Variants in FGF12 observed in about 807,000 individuals in gnomAD.
FGF12 encodes fibroblast growth factor 12.
Under a neutral mutation model 23.6 loss-of-function variants are expected in FGF12, and 14 were observed. The observed-to-expected ratio is 0.59, with a 90% CI of 0.39 to 0.93. FGF12 has a LOEUF of 0.93. FGF12 is among the 40% of genes least tolerant of loss of function. The probability of loss-of-function intolerance (pLI) is 0.00; values close to 1 mark genes in which losing one functional copy is unlikely to be tolerated. For missense variants in FGF12, 175 were observed against 217.8 expected (o/e 0.80, Z 1.24); for synonymous variants, 62 against 77.3 (o/e 0.80, Z 1.04).
At chr3:192,422,792 G>A (rs1202198896) in intron 2 of FGF12, among the ~76,000 whole-genome samples, 1 of 152,188 alleles carries the variant, frequency 6.6e-6, no homozygotes, top group East Asian at 1.9e-4. Flanking sequence ...GCAAGTTTGG[G>A]TTCAGCCTCT....
chr3:192,350,009 T>G (rs1439536317), intron 3 of FGF12, among the ~76,000 whole-genome samples: 1 of 152,140 alleles, frequency 6.6e-6, no homozygotes, highest in Non-Finnish European at 1.5e-5. Context: ...AATTAAATCT[T>G]TTGGTTTCAA....
chr3:192,337,992 T>C (rs1272083952), intron 3 of FGF12, among the ~76,000 whole-genome samples: 2 of 152,220 alleles, frequency 1.3e-5, no homozygotes, highest in South Asian at 4.1e-4. Context: ...CTATGAAGAA[T>C]TTAGGACAGA....
At chr3:192,211,796 T>C (rs543138015) in intron 4 of FGF12, among the ~76,000 whole-genome samples, 1 of 152,184 alleles carries the variant, frequency 6.6e-6, no homozygotes, top group Non-Finnish European at 1.5e-5. Context: ...AAGAAGGTAT[T>C]AGATCTGCTG....
chr3:192,621,243 G>A (rs1168196035), intron 2 of FGF12, among the ~76,000 whole-genome samples: 2 of 152,006 alleles, frequency 1.3e-5, no homozygotes, highest in African/African-American at 4.8e-5. Context: ...ATAGAGAAAT[G>A]TACTTCCTCA....
intron 2 of FGF12, among the ~76,000 whole-genome samples, chr3:192,564,297 C>G (rs547676513): frequency 4.6e-5 from 7 of 152,122 alleles, no homozygotes; most frequent in African/African-American, 1.7e-4. Flanking sequence ...CTCCTGACCT[C>G]GGGTGATCTG....
chr3:192,652,695 C>G (rs1716258496), intron 2 of FGF12, among the ~76,000 whole-genome samples: 1 of 152,168 alleles, frequency 6.6e-6, no homozygotes, highest in Non-Finnish European at 1.5e-5. Context: ...GCCCAGAAGT[C>G]TGTGTTTTAG....
At chr3:192,311,138 C>G (rs537712545) in intron 4 of FGF12, among the ~76,000 whole-genome samples, 108 of 152,202 alleles carry the variant, frequency 7.1e-4, no homozygotes, top group African/African-American at 2.5e-3. Context: ...AATAACAGAA[C>G]TATTAAGACA....
chr3:192,378,822 A>G (rs748110249), intron 2 of FGF12, among the ~76,000 whole-genome samples: 19 of 152,092 alleles, frequency 1.2e-4, no homozygotes, highest in Non-Finnish European at 2.4e-4. Flanking sequence ...AAACTCATGG[A>G]TTGGGGGGCT....
chr3:192,464,502 GT>G lies in FGF12; in HGVS notation c.14-103965del, dbSNP rs1722953325. 1.2e-3 allele frequency among the ~76,000 whole-genome samples: 14 copies of G among 11,724 alleles called. No individual in the cohort carries two copies. The South Asian group carries it at 0.02, about 16-fold the overall frequency. The allele number at this position is 11,724 out of a possible 152,430, so 7.7% of individuals were successfully genotyped here. A position where few individuals can be genotyped will look rare whatever the true frequency, so the allele number is the denominator to read the frequency against. On this transcript the variant is annotated intron_variant, in intron 2 of 5. Coordinates refer to ENST00000445105, the MANE Select transcript of FGF12 (RefSeq NM_004113.6). ...TTAGGGCTGAGTAGTATTCCATGGT[GT>G]GTGTGTGTGTGTGTGTGTGTGTGTG...
chr3:192,408,608 C>T lies in FGF12; in HGVS notation c.14-48070G>A. 9.5e-7 allele frequency: 1 copy of T among 1,049,944 alleles called. No individual in the cohort carries two copies. The highest frequency in any genetic ancestry group is 1.1e-6 in the Non-Finnish European group (1 of 871,358). The allele number at this position is 1,049,944 out of a possible 1,614,324, so 65.0% of individuals were successfully genotyped here. ...ACCAAGTGGAAGGGGAAGAACGATG[C>T]CCAAAATAACAAGACGTGCCTCTGT... On this transcript the variant is annotated intron_variant, in intron 2 of 5. Coordinates refer to ENST00000445105, the MANE Select transcript of FGF12 (RefSeq NM_004113.6). The surrounding 1 kb of genome is among the most constrained non-coding windows in gnomAD (Gnocchi z 7.3).
At chr3:192,160,668 T>C (rs957070709) in intron 5 of FGF12, among the ~76,000 whole-genome samples, 2 of 152,198 alleles carry the variant, frequency 1.3e-5, no homozygotes, top group Non-Finnish European at 2.9e-5. Flanking sequence ...AAATTGTCTT[T>C]CCTTGAGTAC....
At chr3:192,224,223 G>A (rs949317275) in intron 4 of FGF12, among the ~76,000 whole-genome samples, 7 of 152,078 alleles carry the variant, frequency 4.6e-5, no homozygotes, top group Non-Finnish European at 7.4e-5. Context: ...GCTGGAGAAC[G>A]CTTTCTGTAT....
intron 4 of FGF12, among the ~76,000 whole-genome samples, chr3:192,217,300 TTTG>T (rs1261008502): frequency 6.6e-6 from 1 of 152,218 alleles, no homozygotes; most frequent in South Asian, 2.1e-4. Flanking sequence ...TGCTGTTGTT[TTTG>T]TTGTTGTTAC....
At chr3:192,572,275 A>C (rs1399932969) in intron 2 of FGF12, among the ~76,000 whole-genome samples, 1 of 152,218 alleles carries the variant, frequency 6.6e-6, no homozygotes, top group Non-Finnish European at 1.5e-5. Context: ...ATGATTATTT[A>C]GCATTTAATG....
chr3:192,500,431 C>A (rs1724100002), intron 2 of FGF12, among the ~76,000 whole-genome samples: 1 of 150,172 alleles, frequency 6.7e-6, no homozygotes, highest in African/African-American at 2.4e-5. Flanking sequence ...TATAATAAAT[C>A]CAACATCCCC....
chr3:192,379,595 A>G (rs1207155929), intron 2 of FGF12, among the ~76,000 whole-genome samples: 1 of 152,238 alleles, frequency 6.6e-6, no homozygotes, highest in Admixed American at 6.5e-5. Flanking sequence ...ATTTCCCAGA[A>G]TGACATCGAA....
intron 2 of FGF12, among the ~76,000 whole-genome samples, chr3:192,715,887 A>C (rs1296003061): frequency 6.6e-6 from 1 of 152,230 alleles, no homozygotes; most frequent in Non-Finnish European, 1.5e-5. Context: ...TCCTTGTATT[A>C]ATTAATTAAC....
rs1713312480 is a variant in FGF12, at chr3:192,140,536, A to G, written c.*3473T>C. The stretch of plus-strand genomic sequence containing the variant: ...AGTGCTCCCAAATTAGGAATTCCAA[A>G]CTTTTCAATATGCAACCTTTAAGTC... On this transcript the variant is annotated 3_prime_UTR_variant, in exon 6 of 6. Coordinates refer to ENST00000445105, the MANE Select transcript of FGF12 (RefSeq NM_004113.6). 6.6e-6 allele frequency: 1 copy of G among 151,958 alleles called. No homozygotes were observed. The highest frequency in any genetic ancestry group is 2.4e-5 in the African/African-American group (1 of 41,408). 9.4% of individuals were successfully genotyped at this position (151,958 alleles called of 1,614,324 possible). A position where few individuals can be genotyped will look rare whatever the true frequency, so the allele number is the denominator to read the frequency against.
intron 2 of FGF12, among the ~76,000 whole-genome samples, chr3:192,372,026 A>G (rs1406815354): frequency 6.6e-6 from 1 of 152,182 alleles, no homozygotes; most frequent in African/African-American, 2.4e-5. Context: ...GCCTCCTGTC[A>G]CAAAAAAAAG....
Sources: allele counts gnomAD v4.1 joint callset (sites outside exome capture counted in the v4.1 genomes callset), GRCh38; gene constraint gnomAD v4.1.1; non-coding constraint Gnocchi (gnomAD v3.1); transcripts MANE v1.5; gene names NCBI Gene and HGNC (gene_info 2026-07-23, HGNC 2026-07-21).